Variants in ABCC9 observed in about 807,000 individuals in gnomAD.
ABCC9 encodes the protein ATP binding cassette subfamily C member 9, also known as ATP-binding cassette sub-family C member 9.
In ABCC9, 95 loss-of-function variants were observed where a neutral mutation model predicts 188.3. The observed-to-expected ratio is 0.50, with a 90% CI of 0.43 to 0.60. The LOEUF (loss-of-function observed/expected upper bound fraction) is 0.60, where lower values mean the gene tolerates loss of function less well. ABCC9 is among the 20% of genes least tolerant of loss of function. The pLI is 0.00. For synonymous variants in ABCC9, 659 were observed against 652.7 expected (o/e 1.01, Z -0.15); for missense variants, 1,102 against 1,876.3 (o/e 0.59, Z 7.62).
At chr12:21,853,629 A>T (rs1232045538) in intron 22 of ABCC9, among the ~76,000 whole-genome samples, 1 of 152,164 alleles carries the variant, frequency 6.6e-6, no homozygotes, top group Non-Finnish European at 1.5e-5. Flanking sequence ...AATTATTTTC[A>T]TATATATTTC....
Position 21,842,442 on chromosome 12 carries a change from A to G in ABCC9, c.3345T>C (p.Thr1115=), listed in dbSNP as rs2137371614. 1 of 1,614,162 alleles carries G rather than the reference A, an allele frequency of 6.2e-7. No individual in the cohort carries two copies. The highest frequency in any genetic ancestry group is 8.5e-7 in the Non-Finnish European group (1 of 1,179,990). ...QHIPPTLESL[T]RSTLLCLSAI... ...CAGACAGGCAGAGCAGTGTTGAGCG[A>G]GTTAGAGATTCCAAGGTTGGAGGGA... The change falls in exon 29 of 40, where the codon ACT becomes ACC. Residue 1115 remains threonine (T), a synonymous_variant. Coordinates refer to ENST00000261200, the MANE Select transcript of ABCC9 (RefSeq NM_020297.4).
chr12:21,842,556 A>G lies in ABCC9; in HGVS notation c.3316-85T>C, dbSNP rs545099316. On this transcript the variant is annotated intron_variant, in intron 28 of 39. Transcript: ENST00000261200. Reference sequence around the variant, plus strand: ...AACAAAAATACCTATTTTTATGTTGATAGTTACACAGTTAACTACCAAAGT... The same window carrying G: ...AACAAAAATACCTATTTTTATGTTGGTAGTTACACAGTTAACTACCAAAGT... The G allele has an allele frequency of 2.1e-5, 28 of 1,352,018 alleles. No individual in the cohort carries two copies. In the Admixed American group the frequency reaches 4.0e-4, roughly 19 times the overall value. The allele number at this position is 1,352,018 out of a possible 1,614,324, so 83.8% of individuals were successfully genotyped here.
At chr12:21,903,425 G>C (rs976239532) in intron 12 of ABCC9, among the ~76,000 whole-genome samples, 1 of 152,126 alleles carries the variant, frequency 6.6e-6, no homozygotes, top group Non-Finnish European at 1.5e-5. Flanking sequence ...GGAAGTACTG[G>C]CCAGGGCAAT....
intron 31 of ABCC9, chr12:21,827,117 A>T: frequency 1.0e-6 from 1 of 985,358 alleles, no homozygotes; most frequent in Non-Finnish European, 1.2e-6. Context: ...CGTGGGGGTT[A>T]AAGTATTGGG....
At chr12:21,819,597 A>T (rs1014666564) in intron 31 of ABCC9, among the ~76,000 whole-genome samples, 4 of 152,224 alleles carry the variant, frequency 2.6e-5, no homozygotes, top group South Asian at 2.1e-4. Context: ...TTCCTTGAAA[A>T]ATAGAAATGA....
At chr12:21,811,674 G>C (rs954697461) in intron 36 of ABCC9, among the ~76,000 whole-genome samples, 5 of 152,046 alleles carry the variant, frequency 3.3e-5, no homozygotes, top group African/African-American at 1.2e-4. Flanking sequence ...AGTTGTAAGG[G>C]GTGGAGGGAT....
At position 21,864,410 on chromosome 12, in the gene ABCC9, T is replaced by C. The variant is rs753068220; in HGVS notation, c.2237+29A>G. 6.0e-6 allele frequency: 9 copies of C among 1,507,432 alleles called. No homozygotes were observed. In the East Asian group the frequency reaches 6.8e-5, roughly 11 times the overall value. The allele number at this position is 1,507,432 out of a possible 1,614,324, so 93.4% of individuals were successfully genotyped here. A position where few individuals can be genotyped will look rare whatever the true frequency, so the allele number is the denominator to read the frequency against. ...AGTCTGAGGAAGGAAGTTATTCTTA[T>C]TAAACTCAGGTTAAAATAGAAATAA... On this transcript the variant is annotated intron_variant, in intron 19 of 39. Transcript: ENST00000261200.
intron 16 of ABCC9, among the ~76,000 whole-genome samples, chr12:21,877,977 A>T (rs1010829075): frequency 6.7e-6 from 1 of 149,418 alleles, no homozygotes. Context: ...GGAGAAAAAG[A>T]AGGAGTTCAA....
At chr12:21,831,810 A>G (rs1489532521) in intron 30 of ABCC9, among the ~76,000 whole-genome samples, 1 of 152,164 alleles carries the variant, frequency 6.6e-6, no homozygotes, top group African/African-American at 2.4e-5. Context: ...TCCCTAGAGG[A>G]CTGTGTGATG....
intron 5 of ABCC9, chr12:21,923,983 T>G: frequency 1.9e-6 from 1 of 537,992 alleles, no homozygotes; most frequent in South Asian, 2.8e-5. Context: ...AAAATCATGC[T>G]TAGAAAAAGA....
intron 19 of ABCC9, among the ~76,000 whole-genome samples, chr12:21,863,420 T>A (rs986143083): frequency 2.6e-5 from 4 of 152,094 alleles, no homozygotes; most frequent in Non-Finnish European, 5.9e-5. Context: ...CTAATAGCAC[T>A]TTATTAACTA....
chr12:21,933,761 T>C (rs1365483732), intron 4 of ABCC9, 21 bp downstream of exon 4: 24 of 1,612,944 alleles, frequency 1.5e-5, no homozygotes, highest in Non-Finnish European at 2.0e-5. Context: ...GCAGTGGTAT[T>C]ATTTAACTTA....
chr12:21,856,175 A>G (rs1274898107), intron 22 of ABCC9, among the ~76,000 whole-genome samples: 1 of 152,168 alleles, frequency 6.6e-6, no homozygotes, highest in Non-Finnish European at 1.5e-5. Flanking sequence ...TTTGTCAAAT[A>G]TAACCTTTTC....
chr12:21,925,850 T>C, intron 5 of ABCC9, 92 bp downstream of exon 5: 1 of 1,361,920 alleles, frequency 7.3e-7, no homozygotes, highest in Non-Finnish European at 1.0e-6. Context: ...CACACTCTGA[T>C]ACTATTTACC....
chr12:21,887,760 TA>T, intron 15 of ABCC9, 65 bp downstream of exon 15: 1 of 1,037,546 alleles, frequency 9.6e-7, no homozygotes, highest in Admixed American at 1.7e-5. Context: ...TCAGTTGTAT[TA>T]ATCTGTCCAT....
chr12:21,842,525 C>T, intron 28 of ABCC9, 54 bp from the exon 29 acceptor site: 1 of 1,559,260 alleles, frequency 6.4e-7, no homozygotes, highest in Non-Finnish European at 8.8e-7. Context: ...ATATTGGCTG[C>T]AATGTAACAA....
intron 18 of ABCC9, among the ~76,000 whole-genome samples, chr12:21,869,961 T>C (rs1267052520): frequency 6.6e-6 from 1 of 152,208 alleles, no homozygotes; most frequent in Non-Finnish European, 1.5e-5. Context: ...TTTATGTATT[T>C]TTCCAAGTGT....
intron 12 of ABCC9, among the ~76,000 whole-genome samples, chr12:21,897,194 G>A (rs1947470458): frequency 6.6e-6 from 1 of 152,166 alleles, no homozygotes; most frequent in African/African-American, 2.4e-5. Flanking sequence ...TTTATTTCAT[G>A]TTTGTTGGCC....
At chr12:21,910,443 A>T in intron 9 of ABCC9, 131 bp from the exon 10 acceptor site, 1 of 894,232 alleles carries the variant, frequency 1.1e-6, no homozygotes, top group Non-Finnish European at 1.7e-6. Context: ...CTATAGGATC[A>T]TCTTCTTAAA....
Sources: allele counts gnomAD v4.1 joint callset (sites outside exome capture counted in the v4.1 genomes callset), GRCh38; gene constraint gnomAD v4.1.1; transcripts MANE v1.5; gene names NCBI Gene and HGNC (gene_info 2026-07-23, HGNC 2026-07-21).